BRF1: variants seen among roughly 807,000 people sequenced by gnomAD.
BRF1 encodes transcription factor IIIB 90 kDa subunit.
A neutral mutation model predicts 81.7 loss-of-function variants in BRF1; 59 were observed. The ratio of observed to expected loss-of-function variants is 0.72; its 90% CI spans 0.59 to 0.90. BRF1 has a LOEUF of 0.90. BRF1 is among the 40% of genes least tolerant of loss of function. BRF1 has a pLI of 0.00. For synonymous variants in BRF1, 491 were observed against 395.6 expected (o/e 1.24, Z -2.86); for missense variants, 1,050 against 936.3 (o/e 1.12, Z -1.58).
intron 1 of BRF1, among the ~76,000 whole-genome samples, chr14:105,297,805 G>A (rs1189474539): frequency 6.6e-6 from 1 of 151,842 alleles, no homozygotes; most frequent in Non-Finnish European, 1.5e-5. Context: ...AACCATCCCG[G>A]CTAACACGGT....
chr14:105,298,667 G>T (rs915617479), intron 1 of BRF1, among the ~76,000 whole-genome samples: 4 of 150,344 alleles, frequency 2.7e-5, no homozygotes, highest in Non-Finnish European at 5.9e-5. Flanking sequence ...CCAGCCTGAC[G>T]AACAGGGTGA....
Position 105,211,184 on chromosome 14 carries a change from T to C in BRF1, c.1934A>G (p.Glu645Gly), listed in dbSNP as rs967041522. 3.7e-6 allele frequency: 6 copies of C among 1,612,364 alleles called. No homozygotes were observed. In the Admixed American group the frequency reaches 1.0e-4, roughly 27 times the overall value. Residue 645 changes from glutamate (E) to glycine (G), a missense_variant, in exon 17 of 18, where the codon GAG (glutamate) becomes GGG (glycine). Coordinates refer to ENST00000547530, the MANE Select transcript of BRF1 (RefSeq NM_001519.4). The part of the protein sequence containing the change: ...SYHADEEADE[E>G]EPDEEDGEPC... ...CTCCCCGTCCTCCTCGTCAGGCTCC[T>C]CCTCGTCAGCCTCCTCGTCGGCGTG...
chr14:105,248,652 G>A, intron 5 of BRF1: 1 of 980,770 alleles, frequency 1.0e-6, no homozygotes, highest in Non-Finnish European at 1.2e-6. Context: ...CAGGGTCGCA[G>A]GGGCGGGGGT....
intron 5 of BRF1, chr14:105,247,803 T>A (rs587674548): frequency 1.0e-6 from 1 of 985,580 alleles, no homozygotes; most frequent in African/African-American, 1.7e-5. Flanking sequence ...GAGCTTGGCA[T>A]GCACCAGCTG....
intron 3 of BRF1, among the ~76,000 whole-genome samples, chr14:105,272,402 G>A (rs1475012961): frequency 2.0e-5 from 3 of 152,202 alleles, no homozygotes; most frequent in Non-Finnish European, 2.9e-5. Context: ...AGGGGACGTG[G>A]AGACAGCACC....
At chr14:105,246,257 CA>C (rs1234724273) in intron 5 of BRF1, among the ~76,000 whole-genome samples, 5 of 152,036 alleles carry the variant, frequency 3.3e-5, no homozygotes, top group Non-Finnish European at 5.9e-5. Context: ...GACGTTTCTC[CA>C]AACACGCCAT....
intron 6 of BRF1, among the ~76,000 whole-genome samples, chr14:105,241,028 G>T (rs930894168): frequency 1.3e-5 from 2 of 152,196 alleles, no homozygotes; most frequent in African/African-American, 4.8e-5. Context: ...GGTCAAGGCC[G>T]CTCTGCCCTG....
chr14:105,304,986 G>A (rs911513100), upstream of BRF1, among the ~76,000 whole-genome samples: 1 of 152,250 alleles, frequency 6.6e-6, no homozygotes, highest in Non-Finnish European at 1.5e-5. Flanking sequence ...CATATCATGT[G>A]TGTTCCCCCA....
At chr14:105,299,716 G>A (rs2057902403) in intron 1 of BRF1, among the ~76,000 whole-genome samples, 1 of 152,248 alleles carries the variant, frequency 6.6e-6, no homozygotes, top group Non-Finnish European at 1.5e-5. Context: ...CCACACACCT[G>A]TTAGAACAAC....
At position 105,226,658 on chromosome 14, in the gene BRF1, C is replaced by T; in HGVS notation, c.891G>A (p.Gly297=). The change falls in exon 8 of 18, where the codon GGG becomes GGA. Residue 297 remains glycine, a synonymous_variant. Transcript: ENST00000547530. ...CCTGCTTCATCCGCAGCTTCCTCTGCCCAGCTGTGTACGAGGGGGGGTCGC... is the reference window on the plus strand; with the variant it reads ...CCTGCTTCATCCGCAGCTTCCTCTGTCCAGCTGTGTACGAGGGGGGGTCGC... ...EECDPPSYTA[G]QRKLRMKQLE... is the part of the protein sequence containing the mutation. The T allele has an allele frequency of 1.2e-6, 2 of 1,613,422 alleles. No homozygotes were observed. Among genetic ancestry groups the T allele is most frequent in the African/African-American group, 1.3e-5 (1 of 75,062 alleles).
intron 3 of BRF1, among the ~76,000 whole-genome samples, chr14:105,257,130 G>A (rs1238384477): frequency 2.0e-5 from 3 of 152,142 alleles, no homozygotes; most frequent in Admixed American, 1.3e-4. Context: ...ACCTGTCTTC[G>A]CTCAGATGAA....
intron 12 of BRF1, 192 bp downstream of exon 12, chr14:105,219,877 G>A (rs994880748): frequency 1.7e-5 from 11 of 644,756 alleles, no homozygotes; most frequent in South Asian, 3.9e-5. Context: ...GGCCGCCCCC[G>A]AGCCGACACT....
upstream of BRF1, among the ~76,000 whole-genome samples, chr14:105,305,474 G>A (rs932609961): frequency 1.3e-5 from 2 of 152,172 alleles, no homozygotes; most frequent in African/African-American, 4.8e-5. Flanking sequence ...CCCATGTGAG[G>A]ATGCAGGAAG....
intron 15 of BRF1, among the ~76,000 whole-genome samples, chr14:105,215,897 G>GCA (rs775156139): frequency 1.0e-5 from 1 of 100,402 alleles, no homozygotes; most frequent in African/African-American, 4.0e-5. Flanking sequence ...ACAGACACAG[G>GCA]CACACACACA....
intron 5 of BRF1, among the ~76,000 whole-genome samples, chr14:105,244,516 A>G (rs75139030): frequency 0.038 from 5,841 of 151,886 alleles, 279 homozygotes; most frequent in African/African-American, 0.11. Flanking sequence ...TGGAGGAGGA[A>G]GTGGTGGGCA....
chr14:105,272,940 A>T, intron 2 of BRF1, 46 bp from the exon 3 acceptor site: 6 of 1,525,022 alleles, frequency 3.9e-6, no homozygotes, highest in Non-Finnish European at 5.3e-6. Context: ...TTCCCACAGA[A>T]CATGAAAAGT....
chr14:105,212,598 G>C (rs934285936), intron 15 of BRF1: 9 of 167,814 alleles, frequency 5.4e-5, no homozygotes, highest in Non-Finnish European at 1.2e-4. Context: ...CACAGGGCCT[G>C]CTCGCCGGCC....
chr14:105,248,452 A>T lies in BRF1; in HGVS notation c.544+4055T>A. ...GCGCGGCTCGCGCCGGTTGCTGGGCAGAAGCTCGAGCAGCTTCGAGGATGT... is the reference window on the plus strand; with the variant it reads ...GCGCGGCTCGCGCCGGTTGCTGGGCTGAAGCTCGAGCAGCTTCGAGGATGT... On this transcript the variant is annotated intron_variant, in intron 5 of 17. Coordinates refer to ENST00000547530, the MANE Select transcript of BRF1 (RefSeq NM_001519.4). 3.0e-6 allele frequency: 3 copies of T among 985,160 alleles called. No individual in the cohort carries two copies. The South Asian group carries it at 1.4e-4, about 46-fold the overall frequency. The allele number at this position is 985,160 out of a possible 1,614,324, so 61.0% of individuals were successfully genotyped here. A position where few individuals can be genotyped will look rare whatever the true frequency, so the allele number is the denominator to read the frequency against.
upstream of BRF1, among the ~76,000 whole-genome samples, chr14:105,302,180 G>A (rs1386944481): frequency 6.7e-6 from 1 of 149,536 alleles, no homozygotes; most frequent in East Asian, 2.0e-4. Context: ...AAATGCGGAA[G>A]ACCCCACCCT....
Sources: gnomAD v4.1 joint callset for allele counts (sites outside exome capture counted in the v4.1 genomes callset) on GRCh38, gnomAD v4.1.1 for gene constraint, MANE v1.5 for transcripts, NCBI Gene and HGNC (gene_info 2026-07-23, HGNC 2026-07-21) for gene names.